C19orf47: variants seen among roughly 807,000 people sequenced by gnomAD.
The protein encoded by C19orf47 is uncharacterized protein C19orf47.
Under a neutral mutation model 32.3 loss-of-function variants are expected in C19orf47, and 18 were observed. That is an observed-to-expected ratio of 0.56 (90% confidence interval 0.39 to 0.83). The LOEUF is 0.83. Among genes scored for constraint, C19orf47 ranks in the 40% least tolerant of loss-of-function variants. The pLI is 0.00. For missense variants in C19orf47, 484 were observed against 531.6 expected (o/e 0.91, Z 0.88); for synonymous variants, 202 against 211.1 (o/e 0.96, Z 0.37).
At chr19:40,338,264 T>TAC (rs770769948) in intron 2 of C19orf47, among the ~76,000 whole-genome samples, 280 of 77,672 alleles carry the variant, frequency 3.6e-3, no homozygotes, top group Middle Eastern at 0.021. Flanking sequence ...TATACATATA[T>TAC]ATACACACAC....
chr19:40,331,900 T>C (rs1361238674), intron 5 of C19orf47, among the ~76,000 whole-genome samples: 2 of 152,024 alleles, frequency 1.3e-5, no homozygotes, highest in East Asian at 1.9e-4. Flanking sequence ...TGGCTGGGCA[T>C]GGTGGCAGGC....
the C19orf47 span, among the ~76,000 whole-genome samples, chr19:40,311,573 A>G: frequency 1.6e-3 from 246 of 152,106 alleles, no homozygotes; most frequent in African/African-American, 5.7e-3. Flanking sequence ...AAAATAAAAA[A>G]TAAACACAAG....
the C19orf47 span, among the ~76,000 whole-genome samples, chr19:40,293,381 A>G: frequency 2.0e-5 from 3 of 150,962 alleles, no homozygotes; most frequent in African/African-American, 7.3e-5. Context: ...CCTGACCTCA[A>G]GTGATCCGCC....
At chr19:40,337,578 C>T (rs2078090375) in intron 2 of C19orf47, among the ~76,000 whole-genome samples, 1 of 152,054 alleles carries the variant, frequency 6.6e-6, no homozygotes, top group Non-Finnish European at 1.5e-5. Context: ...AACTGTTTTT[C>T]TTTCTCAGTA....
At chr19:40,297,177 TAAAAC>T in the C19orf47 span, among the ~76,000 whole-genome samples, 1 of 152,108 alleles carries the variant, frequency 6.6e-6, no homozygotes, top group African/African-American at 2.4e-5. Flanking sequence ...CAAAAAAAAT[TAAAAC>T]AAAAACAAAA....
At chr19:40,336,679 C>T (rs2078072590) in intron 2 of C19orf47, among the ~76,000 whole-genome samples, 2 of 152,154 alleles carry the variant, frequency 1.3e-5, no homozygotes. Context: ...GGGCAGAGCT[C>T]CCAAACCTTT....
chr19:40,326,791 G>A (rs773862826), intron 6 of C19orf47, among the ~76,000 whole-genome samples: 32 of 152,126 alleles, frequency 2.1e-4, no homozygotes, highest in Non-Finnish European at 2.9e-4. Context: ...GAACCTGCTG[G>A]GTGGTGGAAA....
chr19:40,294,384 G>A, the C19orf47 span, among the ~76,000 whole-genome samples: 2 of 152,166 alleles, frequency 1.3e-5, no homozygotes, highest in South Asian at 4.1e-4. Flanking sequence ...AAATGTGTGC[G>A]AACTAGTTCT....
chr19:40,314,663 T>A (rs2077650544), downstream of C19orf47, among the ~76,000 whole-genome samples: 2 of 152,182 alleles, frequency 1.3e-5, no homozygotes, highest in South Asian at 4.1e-4. Context: ...AAATAATTTA[T>A]GTAAATCCCT....
chr19:40,293,296 C>T, the C19orf47 span, among the ~76,000 whole-genome samples: 1 of 150,368 alleles, frequency 6.7e-6, no homozygotes, highest in African/African-American at 2.5e-5. Context: ...GCCCACCATG[C>T]CACCACGCCT....
chr19:40,347,401 G>A (rs758264465), intron 1 of C19orf47, among the ~76,000 whole-genome samples: 16 of 151,910 alleles, frequency 1.1e-4, no homozygotes, highest in South Asian at 2.1e-4. Flanking sequence ...GCGTGGTGGC[G>A]CATGCCTGTA....
chr19:40,345,774 G>T (rs986940414), intron 1 of C19orf47, among the ~76,000 whole-genome samples: 18 of 150,484 alleles, frequency 1.2e-4, no homozygotes, highest in South Asian at 2.1e-4. Context: ...CCCGGGGCGG[G>T]GGGGGGAGAG....
chr19:40,323,052 C>T (rs1192004669), intron 8 of C19orf47, among the ~76,000 whole-genome samples: 1 of 152,244 alleles, frequency 6.6e-6, no homozygotes, highest in Non-Finnish European at 1.5e-5. Context: ...GTGCTATGCC[C>T]TGAAGGCAGG....
At chr19:40,329,892 G>GGAAATAT (rs1301572036) in intron 5 of C19orf47, among the ~76,000 whole-genome samples, 4 of 152,170 alleles carry the variant, frequency 2.6e-5, no homozygotes, top group Non-Finnish European at 5.9e-5. Flanking sequence ...CTGTTAAGAG[G>GGAAATAT]GCCCTACCTG....
chr19:40,335,308 G>A (rs1339703256), intron 4 of C19orf47, among the ~76,000 whole-genome samples: 1 of 152,292 alleles, frequency 6.6e-6, no homozygotes, highest in African/African-American at 2.4e-5. Context: ...TGTGAGCCAG[G>A]TTGCCATCTG....
chr19:40,346,966 G>A (rs1269988744), intron 1 of C19orf47, among the ~76,000 whole-genome samples: 2 of 152,192 alleles, frequency 1.3e-5, no homozygotes, highest in African/African-American at 4.8e-5. Context: ...TAGGGAAACA[G>A]TGGGACAGTC....
At chr19:40,303,803 GAAAAAAAAAAAA>G in the C19orf47 span, among the ~76,000 whole-genome samples, 24 of 45,340 alleles carry the variant, frequency 5.3e-4, no homozygotes, top group African/African-American at 2.0e-3. Flanking sequence ...GACTTTGTCT[GAAAAAAAAAAAA>G]AAAAAAAAAA....
At chr19:40,305,338 G>A in the C19orf47 span, among the ~76,000 whole-genome samples, 2 of 146,702 alleles carry the variant, frequency 1.4e-5, no homozygotes, top group African/African-American at 5.1e-5. Flanking sequence ...GTCAGACTCT[G>A]TCTCAAAAAA....
At chr19:40,329,216 T>TGGG (rs2077898322) in intron 5 of C19orf47, among the ~76,000 whole-genome samples, 1 of 152,074 alleles carries the variant, frequency 6.6e-6, no homozygotes, top group Non-Finnish European at 1.5e-5. Context: ...GTGCCTAAAG[T>TGGG]GGTTTCTGAG....
Sources: gnomAD v4.1 joint callset for allele counts (sites outside exome capture counted in the v4.1 genomes callset) on GRCh38, gnomAD v4.1.1 for gene constraint, MANE v1.5 for transcripts, NCBI Gene and HGNC (gene_info 2026-07-23, HGNC 2026-07-21) for gene names.